Variants in SLC36A4 observed in about 807,000 individuals in gnomAD.
SLC36A4 encodes the protein neutral amino acid uniporter 4.
Under a neutral mutation model 50.5 loss-of-function variants are expected in SLC36A4, and 49 were observed. The observed-to-expected ratio is 0.97, with a 90% CI of 0.77 to 1.23. The LOEUF (loss-of-function observed/expected upper bound fraction) is 1.23, where lower values mean the gene tolerates loss of function less well. SLC36A4 is among the 50% of genes most tolerant of loss of function. The probability of loss-of-function intolerance (pLI) is 0.00; values close to 1 mark genes in which losing one functional copy is unlikely to be tolerated. For missense variants in SLC36A4, 611 were observed against 608.4 expected (o/e 1.00, Z -0.05); for synonymous variants, 207 against 206.5 (o/e 1.00, Z -0.02).
intron 6 of SLC36A4, among the ~76,000 whole-genome samples, chr11:93,178,023 A>C (rs935788113): frequency 2.6e-5 from 4 of 152,176 alleles, no homozygotes; most frequent in Non-Finnish European, 5.9e-5. Flanking sequence ...GGCTCCACCC[A>C]GTTCGAGCTT....
At chr11:93,182,727 A>G in intron 4 of SLC36A4, 79 bp downstream of exon 4, 1 of 998,582 alleles carries the variant, frequency 1.0e-6, no homozygotes, top group South Asian at 1.6e-5. Context: ...AATACAAAGC[A>G]CAGTAGAATA....
At chr11:93,187,429 ACTT>A (rs1352051716) in intron 1 of SLC36A4, among the ~76,000 whole-genome samples, 1 of 152,104 alleles carries the variant, frequency 6.6e-6, no homozygotes, top group Non-Finnish European at 1.5e-5. Flanking sequence ...TGGTTCAAAT[ACTT>A]CTTCTTTAGA....
chr11:93,169,258 T>C (rs1014232097), intron 6 of SLC36A4, among the ~76,000 whole-genome samples: 5 of 152,100 alleles, frequency 3.3e-5, no homozygotes, highest in Admixed American at 1.3e-4. Context: ...TTAATCCCAA[T>C]TTATAGTTGA....
At chr11:93,168,482 T>C (rs1860986439) in intron 6 of SLC36A4, among the ~76,000 whole-genome samples, 2 of 152,076 alleles carry the variant, frequency 1.3e-5, no homozygotes, top group Admixed American at 1.3e-4. Flanking sequence ...GTGACTATCA[T>C]GCTCATGATA....
At chr11:93,169,137 T>C (rs1200337716) in intron 6 of SLC36A4, among the ~76,000 whole-genome samples, 2 of 152,086 alleles carry the variant, frequency 1.3e-5, no homozygotes, top group Non-Finnish European at 2.9e-5. Context: ...CTTGTAATAA[T>C]AATAGCTAGT....
chr11:93,181,485 A>G lies in SLC36A4; in HGVS notation c.455+206T>C, dbSNP rs905899553. Among the ~76,000 whole-genome samples the G allele has an allele frequency of 7.9e-5, 12 of 152,236 alleles. No individual in the cohort carries two copies. The South Asian group carries it at 2.5e-3, about 31-fold the overall frequency. On this transcript the variant is annotated intron_variant, in intron 5 of 10. Transcript: ENST00000326402. ...ACTCATTTCATACTGAGAAAAACAA[A>G]CCACAATGATAAATAATTTGATCAA...
rs991642324 is a variant in SLC36A4 at position 93,196,817 on chromosome 11, T to C, written c.55+961A>G. On this transcript the variant is annotated intron_variant, in intron 1 of 10. Transcript: ENST00000326402. ...GGTTCTGCCATTAATAAGCTTAAAA[T>C]TACTGTATCTATAAAATGGAAATCA... 1.1e-3 allele frequency among the ~76,000 whole-genome samples: 168 copies of C among 152,346 alleles called. 1 individual carries two copies. Among genetic ancestry groups the C allele is most frequent in the African/African-American group, 3.8e-3 (157 of 41,592 alleles).
intron 4 of SLC36A4, 44 bp from the exon 5 acceptor site, chr11:93,181,830 TA>T: frequency 6.8e-7 from 1 of 1,471,420 alleles, no homozygotes; most frequent in Admixed American, 2.4e-5. Context: ...AGAAAAATTT[TA>T]AGGTGGTCCA....
intron 9 of SLC36A4, among the ~76,000 whole-genome samples, chr11:93,156,389 A>C (rs907514688): frequency 6.6e-6 from 1 of 151,438 alleles, no homozygotes; most frequent in Non-Finnish European, 1.5e-5. Flanking sequence ...TCTTCTTTTG[A>C]GAAGTGTCTG....
Position 93,181,192 on chromosome 11 carries a change from CT to C in SLC36A4, c.456-312del, listed in dbSNP as rs36012606. 9.1e-3 allele frequency among the ~76,000 whole-genome samples: 1,379 copies of C among 152,142 alleles called. 17 individuals are homozygous for C. Among genetic ancestry groups the C allele is most frequent in the Non-Finnish European group, 0.015 (1,017 of 67,928 alleles). ...TTTTTCTAGTCCTGTATTCATCTTA[CT>C]TTGATTTGCCAGAGCCACCAATAAT... On this transcript the variant is annotated intron_variant, in intron 5 of 10. Transcript: ENST00000326402.
intron 9 of SLC36A4, among the ~76,000 whole-genome samples, chr11:93,158,554 A>C (rs1860470139): frequency 6.6e-6 from 1 of 152,110 alleles, no homozygotes; most frequent in African/African-American, 2.4e-5. Context: ...CTAATCAACA[A>C]AAGAATAGTT....
rs192412089 is a variant in SLC36A4, at chr11:93,172,436, T to A, written c.541-4265A>T. Among the ~76,000 whole-genome samples, 666 of 151,566 alleles carry A rather than the reference T, an allele frequency of 4.4e-3. 5 individuals are homozygous for A. Among genetic ancestry groups the A allele is most frequent in the African/African-American group, 0.016 (642 of 41,316 alleles). ...TTCCCCCCAAGTCCCCAAAGTCCAC[T>A]GTATCATTCTTTTTTTTTTTTAATT... is the stretch of plus-strand genomic sequence containing the variant. On this transcript the variant is annotated intron_variant, in intron 6 of 10. Transcript: ENST00000326402.
At chr11:93,183,595 CT>C (rs758454313) in intron 3 of SLC36A4, among the ~76,000 whole-genome samples, 2 of 152,012 alleles carry the variant, frequency 1.3e-5, no homozygotes, top group African/African-American at 2.4e-5. Context: ...GGTTTCTCCC[CT>C]ATCAAGGTTC....
intron 6 of SLC36A4, among the ~76,000 whole-genome samples, chr11:93,177,644 A>T (rs1010352051): frequency 5.3e-5 from 8 of 152,172 alleles, no homozygotes; most frequent in African/African-American, 1.9e-4. Flanking sequence ...TCCACTCCAG[A>T]TGCTGTTTGC....
Position 93,171,294 on chromosome 11 carries a change from G to A in SLC36A4, c.541-3123C>T, listed in dbSNP as rs542515843. 3 of 152,000 alleles carry A rather than the reference G, an allele frequency of 2.0e-5. No homozygotes were observed. The South Asian group carries it at 6.2e-4, about 31-fold the overall frequency. 9.4% of individuals were successfully genotyped at this position (152,000 alleles called of 1,614,324 possible). ...CAGAAGCATCTGATAATATTTCATA[G>A]GAGAAAGTCACCAATTCTAAGCTTA... On this transcript the variant is annotated intron_variant, in intron 6 of 10. Transcript: ENST00000326402.
intron 9 of SLC36A4, chr11:93,154,979 G>C (rs947113897): frequency 1.3e-5 from 2 of 151,960 alleles, no homozygotes; most frequent in African/African-American, 4.8e-5. Flanking sequence ...TCTACATTAT[G>C]GATAACCTCC....
At chr11:93,181,058 G>T (rs1346989428) in intron 5 of SLC36A4, among the ~76,000 whole-genome samples, 177 bp from the exon 6 acceptor site, 4 of 151,954 alleles carry the variant, frequency 2.6e-5, no homozygotes, top group African/African-American at 7.2e-5. Context: ...CTCCAGAAAG[G>T]CCACACTTAA....
chr11:93,189,890 T>C (rs1289445930), intron 1 of SLC36A4, among the ~76,000 whole-genome samples: 1 of 152,192 alleles, frequency 6.6e-6, no homozygotes. Flanking sequence ...TCATTTAAAA[T>C]AAACCTGGAA....
At chr11:93,153,498 C>T (rs1212449560) in intron 10 of SLC36A4, among the ~76,000 whole-genome samples, 2 of 151,874 alleles carry the variant, frequency 1.3e-5, no homozygotes, top group Non-Finnish European at 2.9e-5. Context: ...AAGTGATAGG[C>T]TTGACTTTGA....
Sources: allele counts gnomAD v4.1 joint callset (sites outside exome capture counted in the v4.1 genomes callset), GRCh38; gene constraint gnomAD v4.1.1; transcripts MANE v1.5; gene names NCBI Gene and HGNC (gene_info 2026-07-23, HGNC 2026-07-21).